CDH2: variants seen among roughly 807,000 people sequenced by gnomAD.
CDH2 encodes the protein cadherin 2.
Under a neutral mutation model 92.0 loss-of-function variants are expected in CDH2, and 17 were observed. The observed-to-expected ratio is 0.18, with a 90% confidence interval of 0.13 to 0.28. The LOEUF is 0.28. CDH2 is among the 10% of genes least tolerant of loss of function. The pLI, the probability that CDH2 is intolerant of heterozygous loss-of-function variation, is 1.00. For synonymous variants in CDH2, 419 were observed against 415.9 expected (o/e 1.01, Z -0.09); for missense variants, 862 against 1,133.1 (o/e 0.76, Z 3.44).
chr18:28,006,132 G>A (rs969881302), intron 5 of CDH2, 139 bp from the exon 6 acceptor site: 24 of 629,424 alleles, frequency 3.8e-5, no homozygotes, highest in Non-Finnish European at 6.5e-5. Flanking sequence ...CAAAATTTAA[G>A]TTACACCAAG....
intron 9 of CDH2, 116 bp downstream of exon 9, chr18:27,992,538 TG>T: frequency 1.3e-6 from 1 of 781,272 alleles, no homozygotes; most frequent in Non-Finnish European, 2.0e-6. Flanking sequence ...GACCCACATC[TG>T]GAGATGTCTG....
intron 2 of CDH2, among the ~76,000 whole-genome samples, chr18:28,138,639 A>G (rs1395566293): frequency 2.0e-5 from 3 of 152,122 alleles, no homozygotes; most frequent in Admixed American, 6.5e-5. Context: ...TCTCTGGAAC[A>G]TAAGTTCCTA....
At chr18:27,982,869 G>A (rs1225092820) in intron 14 of CDH2, 75 bp downstream of exon 14, 5 of 885,018 alleles carry the variant, frequency 5.6e-6, no homozygotes, top group Non-Finnish European at 6.5e-6. Flanking sequence ...TTTTCTTACT[G>A]ATGTATTAAC....
At chr18:28,173,082 A>G (rs2016488278) in intron 1 of CDH2, among the ~76,000 whole-genome samples, 1 of 152,260 alleles carries the variant, frequency 6.6e-6, no homozygotes, top group East Asian at 1.9e-4. Context: ...CTGCTCCAGA[A>G]AGATTTTAGT....
In CDH2 at chr18:28,130,630, G is replaced by C. The variant is rs1346717846; in HGVS notation, c.172+17043C>G. 2.0e-5 allele frequency among the ~76,000 whole-genome samples: 3 copies of C among 152,206 alleles called. No homozygotes were observed. The East Asian group carries it at 5.8e-4, about 29-fold the overall frequency. On this transcript the variant is annotated intron_variant, in intron 2 of 15. Transcript: ENST00000269141. Reference sequence around the variant, plus strand: ...GTCCTGAGAAAATGGAGCGCATCCAGATGTGCGCATGGCTGCTGAGCAGGC... The same window carrying C: ...GTCCTGAGAAAATGGAGCGCATCCACATGTGCGCATGGCTGCTGAGCAGGC...
Position 28,095,298 on chromosome 18 carries a change from G to A in CDH2, c.172+52375C>T, listed in dbSNP as rs547473130. The stretch of plus-strand genomic sequence containing the variant: ...CATGTGGAATTTAAAAGAAAAAAAA[G>A]GGTCGGGTGCAATGGCTCATGCCTA... On this transcript the variant is annotated intron_variant, in intron 2 of 15. Transcript: ENST00000269141. 3.3e-5 allele frequency among the ~76,000 whole-genome samples: 5 copies of A among 152,288 alleles called. 1 individual carries two copies. Among genetic ancestry groups the A allele is most frequent in the Admixed American group, 2.6e-4 (4 of 15,290 alleles).
Position 27,952,164 on chromosome 18 carries a change from C to T in CDH2, c.2710G>A (p.Gly904Ser). ...GTTCACCCTGAAGTTCAGTCATCAC[C>T]TCCACCATACATGTCAGCAAGTTTC... ...FKKLADMYGG[G>S]DD The change falls in exon 16 of 16, where the codon GGT (glycine) becomes AGT (serine). Residue 904 changes from glycine (G) to serine (S), a missense_variant. Transcript: ENST00000269141. 6.2e-6 allele frequency: 10 copies of T among 1,613,408 alleles called. No individual in the cohort carries two copies. Among genetic ancestry groups the T allele is most frequent in the African/African-American group, 1.3e-5 (1 of 74,984 alleles).
intron 14 of CDH2, among the ~76,000 whole-genome samples, chr18:27,976,633 C>A (rs1422166949): frequency 2.0e-5 from 3 of 152,156 alleles, no homozygotes; most frequent in Non-Finnish European, 4.4e-5. Flanking sequence ...TTTTACTGGA[C>A]TATTGTGAAG....
intron 2 of CDH2, among the ~76,000 whole-genome samples, chr18:28,147,193 G>A (rs143807213): frequency 1.3e-5 from 2 of 152,018 alleles, no homozygotes; most frequent in East Asian, 1.9e-4. Context: ...TCATACTCTT[G>A]CACTGAGACT....
intron 2 of CDH2, among the ~76,000 whole-genome samples, chr18:28,070,263 G>A (rs1331059618): frequency 6.6e-6 from 1 of 152,158 alleles, no homozygotes. Flanking sequence ...CACCTTACAA[G>A]TTCAACTACA....
intron 2 of CDH2, among the ~76,000 whole-genome samples, chr18:28,031,700 G>A (rs2013700105): frequency 6.6e-6 from 1 of 152,032 alleles, no homozygotes; most frequent in African/African-American, 2.4e-5. Context: ...AGAGGAAAAG[G>A]GGAATCACGA....
intron 2 of CDH2, among the ~76,000 whole-genome samples, chr18:28,018,326 C>T (rs1030959347): frequency 1.3e-5 from 2 of 152,050 alleles, no homozygotes; most frequent in African/African-American, 4.8e-5. Flanking sequence ...TAAAAGCAAT[C>T]TACAAATTCA....
intron 6 of CDH2, among the ~76,000 whole-genome samples, chr18:27,933,565 AAAAG>A (rs564561817): frequency 7.2e-5 from 11 of 152,310 alleles, no homozygotes; most frequent in East Asian, 5.8e-4. Context: ...AGGTTGGAAA[AAAAG>A]AAAGAGAGAA....
chr18:28,098,593 G>A (rs78626513), intron 2 of CDH2, among the ~76,000 whole-genome samples: 400 of 151,948 alleles, frequency 2.6e-3, no homozygotes, highest in African/African-American at 8.5e-3. Context: ...GTATTTTCTC[G>A]GTGAGGCACA....
At chr18:28,054,270 G>A (rs2014249238) in intron 2 of CDH2, among the ~76,000 whole-genome samples, 1 of 152,034 alleles carries the variant, frequency 6.6e-6, no homozygotes, top group Non-Finnish European at 1.5e-5. Flanking sequence ...TTATTTTTAA[G>A]CAAAATGGGT....
intron 2 of CDH2, among the ~76,000 whole-genome samples, chr18:28,035,025 G>A (rs994508427): frequency 6.6e-6 from 1 of 151,946 alleles, no homozygotes; most frequent in Admixed American, 6.6e-5. Flanking sequence ...AACTAAGGAC[G>A]CAATCCATTA....
At chr18:28,077,848 G>A (rs1255993649) in intron 2 of CDH2, among the ~76,000 whole-genome samples, 12 of 130,476 alleles carry the variant, frequency 9.2e-5, no homozygotes, top group Middle Eastern at 5.5e-3. Flanking sequence ...CTGAGATTGC[G>A]TCACTGCACT....
intron 14 of CDH2, chr18:27,963,815 C>T (rs926287581): frequency 1.7e-5 from 5 of 294,758 alleles, no homozygotes; most frequent in Non-Finnish European, 2.6e-5. Flanking sequence ...ACTAAAAAAC[C>T]GACTAGACAA....
At chr18:28,142,994 C>T (rs1196476825) in intron 2 of CDH2, among the ~76,000 whole-genome samples, 1 of 151,960 alleles carries the variant, frequency 6.6e-6, no homozygotes, top group Non-Finnish European at 1.5e-5. Flanking sequence ...TCTTAAGATA[C>T]CATACCGCAG....
Sources: allele counts gnomAD v4.1 joint callset (sites outside exome capture counted in the v4.1 genomes callset), GRCh38; gene constraint gnomAD v4.1.1; transcripts MANE v1.5; gene names NCBI Gene and HGNC (gene_info 2026-07-23, HGNC 2026-07-21).